The following MGAT4C variants were observed in gnomAD, a reference collection of about 807,000 sequenced individuals.
MGAT4C encodes the protein MGAT4 family member C.
MGAT4C carries 19 observed loss-of-function variants against 40.1 expected under a neutral mutation model. The ratio of observed to expected loss-of-function variants is 0.47; its 90% CI spans 0.33 to 0.70. The LOEUF is 0.70. MGAT4C is among the 30% of genes least tolerant of loss of function. MGAT4C has a pLI of 0.02. For synonymous variants in MGAT4C, 181 were observed against 187.1 expected (o/e 0.97, Z 0.27); for missense variants, 491 against 563.2 (o/e 0.87, Z 1.30).
intron 2 of MGAT4C, among the ~76,000 whole-genome samples, chr12:86,610,567 T>TG (rs1002332733): frequency 1.5e-4 from 22 of 150,528 alleles, no homozygotes; most frequent in East Asian, 9.7e-4. Context: ...TTTTGTTTTT[T>TG]TTTCATTTTC....
chr12:86,720,214 A>G (rs908157770), intron 2 of MGAT4C, among the ~76,000 whole-genome samples: 1 of 152,120 alleles, frequency 6.6e-6, no homozygotes, highest in African/African-American at 2.4e-5. Context: ...ATCTCTCTAC[A>G]TGGCATCCTC....
intron 2 of MGAT4C, among the ~76,000 whole-genome samples, chr12:86,519,291 T>A (rs1958750300): frequency 6.6e-6 from 1 of 152,240 alleles, no homozygotes; most frequent in African/African-American, 2.4e-5. Flanking sequence ...ACATTTTCTT[T>A]TTCAGTGTAT....
rs113321128 is a variant in MGAT4C at position 86,424,137 on chromosome 12, A to G, written c.-120+11020T>C. The stretch of plus-strand genomic sequence containing the variant: ...CATATATAATAAAAACTTTGATAGA[A>G]GGAAATAAAAATTAGAAGCATTGTG... On this transcript the variant is annotated intron_variant, in intron 3 of 7. Transcript: ENST00000548651. Among the ~76,000 whole-genome samples the G allele has an allele frequency of 5.8e-3, 882 of 152,338 alleles. 7 individuals are homozygous for G. The highest frequency in any genetic ancestry group is 0.02 in the African/African-American group (846 of 41,588).
In MGAT4C at chr12:85,980,000, T is replaced by G. The variant is rs768126876; in HGVS notation, c.726A>C (p.Ala242=). Residue 242 remains alanine, a synonymous_variant, in exon 5 of 5, where the codon GCA becomes GCC. Coordinates refer to ENST00000611864, the MANE Select transcript of MGAT4C (RefSeq NM_001351288.2). ...NFLTAIKKVI[A]SLEGTYWVTL... is the part of the protein sequence containing the mutation. ...TTACCCAGTAAGTTCCTTCTAGGGATGCAATGACTTTCTTGATGGCAGTTA... is the reference window on the plus strand; with the variant it reads ...TTACCCAGTAAGTTCCTTCTAGGGAGGCAATGACTTTCTTGATGGCAGTTA... The G allele has an allele frequency of 6.2e-7, 1 of 1,613,712 alleles. No homozygotes were observed. The highest frequency in any genetic ancestry group is 8.5e-7 in the Non-Finnish European group (1 of 1,179,834).
At chr12:86,521,053 T>G (rs1203117606) in intron 2 of MGAT4C, among the ~76,000 whole-genome samples, 1 of 152,224 alleles carries the variant, frequency 6.6e-6, no homozygotes, top group East Asian at 1.9e-4. Flanking sequence ...TCTTTTGCTG[T>G]GCAGAAGCTC....
At chr12:86,402,826 TTC>T (rs1266310282) in intron 3 of MGAT4C, among the ~76,000 whole-genome samples, 1 of 152,116 alleles carries the variant, frequency 6.6e-6, no homozygotes, top group Non-Finnish European at 1.5e-5. Flanking sequence ...CTGATGGAAT[TTC>T]TTTCTTTTAA....
At chr12:86,185,003 TC>T (rs1888589191) in intron 1 of MGAT4C, among the ~76,000 whole-genome samples, 1 of 152,168 alleles carries the variant, frequency 6.6e-6, no homozygotes, top group Non-Finnish European at 1.5e-5. Flanking sequence ...ACTTTTCGTT[TC>T]CTGTTTCTGT....
At chr12:86,769,862 T>C (rs1283352646) in intron 1 of MGAT4C, among the ~76,000 whole-genome samples, 2 of 151,882 alleles carry the variant, frequency 1.3e-5, no homozygotes, top group Non-Finnish European at 2.9e-5. Context: ...CTGGGGACTG[T>C]TGTGGTGTGG....
rs180907536 is a variant in MGAT4C at position 85,979,723 on chromosome 12, A to G, written c.1003T>C (p.Phe335Leu). 3 of 1,613,500 alleles carry G rather than the reference A, an allele frequency of 1.9e-6. No homozygotes were observed. In the Admixed American group the frequency reaches 5.0e-5, roughly 27 times the overall value. ...GCAGGGGGGTTATCAGGAATGTCAA[A>G]TGACTCCTCTTCAAAATCATCATCC... is the stretch of plus-strand genomic sequence containing the variant. ...LKDDDFEEES[F>L]DIPDNPPASL... Residue 335 changes from phenylalanine to leucine, a missense_variant, in exon 5 of 5, where the codon TTT becomes CTT. By Grantham distance (22) the Phe-to-Leu change is conservative. Coordinates refer to ENST00000611864, the MANE Select transcript of MGAT4C (RefSeq NM_001351288.2).
intron 1 of MGAT4C, among the ~76,000 whole-genome samples, chr12:86,228,879 A>G (rs1951204367): frequency 6.6e-6 from 1 of 151,912 alleles, no homozygotes; most frequent in Non-Finnish European, 1.5e-5. Context: ...CTAACTCTTC[A>G]GGGAACAAAT....
intron 2 of MGAT4C, among the ~76,000 whole-genome samples, chr12:85,990,586 A>G (rs1289217178): frequency 6.6e-6 from 1 of 152,152 alleles, no homozygotes; most frequent in Non-Finnish European, 1.5e-5. Flanking sequence ...TATCTCTTCA[A>G]TGAATTAATG....
intron 1 of MGAT4C, among the ~76,000 whole-genome samples, chr12:86,818,118 T>C (rs1952638831): frequency 1.3e-5 from 2 of 151,198 alleles, no homozygotes; most frequent in Admixed American, 1.3e-4. Context: ...TGAATGAAAT[T>C]TACACAGGGG....
intron 1 of MGAT4C, among the ~76,000 whole-genome samples, chr12:86,130,454 T>C (rs1566025379): frequency 6.6e-6 from 1 of 152,086 alleles, no homozygotes; most frequent in Non-Finnish European, 1.5e-5. Context: ...GGAAAAATAA[T>C]ATCTGTATTT....
intron 4 of MGAT4C, among the ~76,000 whole-genome samples, chr12:86,274,323 C>T (rs11103908): frequency 5.3e-5 from 8 of 152,016 alleles, no homozygotes; most frequent in Admixed American, 3.9e-4. Flanking sequence ...TATATCCAAT[C>T]GATATCACAC....
intron 2 of MGAT4C, among the ~76,000 whole-genome samples, chr12:86,049,300 G>T (rs186910054): frequency 1.3e-5 from 2 of 151,784 alleles, no homozygotes; most frequent in African/African-American, 4.8e-5. Context: ...CTCTGTGTGT[G>T]CGCCTGTGTG....
At chr12:86,602,460 A>G (rs1394315034) in intron 2 of MGAT4C, among the ~76,000 whole-genome samples, 4 of 152,226 alleles carry the variant, frequency 2.6e-5, no homozygotes, top group Non-Finnish European at 4.4e-5. Flanking sequence ...AAAGAGCACA[A>G]TGTCATCCTT....
intron 4 of MGAT4C, among the ~76,000 whole-genome samples, chr12:86,290,655 C>T (rs1466086961): frequency 6.6e-6 from 1 of 150,646 alleles, no homozygotes; most frequent in Non-Finnish European, 1.5e-5. Context: ...CAATGACATG[C>T]AATTTACCCA....
Position 85,961,327 on chromosome 12 carries a change from T to C in MGAT4C, c.*17962A>G, listed in dbSNP as rs1883100543. The stretch of plus-strand genomic sequence containing the variant: ...AATCTTTTATGAGCTCAGAAAAAAA[T>C]GCCTAACATGAACATTTAAGCATCT... On this transcript the variant is annotated 3_prime_UTR_variant, in exon 5 of 5. Transcript: ENST00000611864. 6.6e-6 allele frequency: 1 copy of C among 151,768 alleles called. No individual in the cohort carries two copies. The highest frequency in any genetic ancestry group is 6.6e-5 in the Admixed American group (1 of 15,202). The allele number at this position is 151,768 out of a possible 1,614,324, so 9.4% of individuals were successfully genotyped here.
At chr12:86,547,958 T>A (rs911631025) in intron 2 of MGAT4C, among the ~76,000 whole-genome samples, 1 of 152,142 alleles carries the variant, frequency 6.6e-6, no homozygotes, top group African/African-American at 2.4e-5. Flanking sequence ...AGTTCAAATG[T>A]CAACTTTGTG....
Sources: gnomAD v4.1 joint callset for allele counts (sites outside exome capture counted in the v4.1 genomes callset) on GRCh38, gnomAD v4.1.1 for gene constraint, MANE v1.5 for transcripts, NCBI Gene and HGNC (gene_info 2026-07-23, HGNC 2026-07-21) for gene names.